The following ERC2 variants were observed in gnomAD, a reference collection of about 807,000 sequenced individuals.
ERC2 encodes ERC protein 2.
ERC2 carries 42 observed loss-of-function variants against 114.8 expected under a neutral mutation model. That is an observed-to-expected ratio of 0.37 (90% confidence interval 0.29 to 0.47). The LOEUF (loss-of-function observed/expected upper bound fraction) is 0.47. ERC2 is among the 20% of genes least tolerant of loss of function. The pLI, the probability that ERC2 is intolerant of heterozygous loss-of-function variation, is 0.99. For synonymous variants in ERC2, 454 were observed against 425.5 expected, an observed-to-expected ratio of 1.07 and a Z score of -0.82; for missense variants, 939 against 1,150.7, an observed-to-expected ratio of 0.82 and a Z score of 2.66.
chr3:55,679,024 C>T (rs1204976821), intron 17 of ERC2, among the ~76,000 whole-genome samples: 2 of 152,288 alleles, frequency 1.3e-5, no homozygotes, highest in African/African-American at 2.4e-5. Flanking sequence ...ACAATTCATC[C>T]TCTACACAGC....
chr3:56,219,674 GAAAAAAA>G (rs35098698), intron 3 of ERC2, among the ~76,000 whole-genome samples: 1 of 123,114 alleles, frequency 8.1e-6, no homozygotes, highest in African/African-American at 3.2e-5. Flanking sequence ...GCTCAAGTGC[GAAAAAAA>G]AAAAAAAAAA....
At chr3:55,631,325 C>G (rs1447623224) in intron 17 of ERC2, among the ~76,000 whole-genome samples, 1 of 152,166 alleles carries the variant, frequency 6.6e-6, no homozygotes, top group African/African-American at 2.4e-5. Context: ...TGAAAAAGAG[C>G]AAGGGTTAGT....
chr3:55,639,807 CAT>C (rs551322683), intron 17 of ERC2, among the ~76,000 whole-genome samples: 48 of 152,322 alleles, frequency 3.2e-4, no homozygotes, highest in Middle Eastern at 3.4e-3. Flanking sequence ...TGCATGCACA[CAT>C]GTTTAATTTT....
intron 17 of ERC2, among the ~76,000 whole-genome samples, chr3:55,648,865 C>G (rs2060497433): frequency 6.8e-6 from 1 of 146,374 alleles, no homozygotes. Flanking sequence ...CCTCAGAAGA[C>G]AGCTTTTTTG....
intron 4 of ERC2, among the ~76,000 whole-genome samples, chr3:56,168,627 T>A (rs547346017): frequency 1.3e-5 from 2 of 152,150 alleles, no homozygotes; most frequent in African/African-American, 2.4e-5. Context: ...TATATGAAAC[T>A]TGGTAAAGTT....
intron 5 of ERC2, among the ~76,000 whole-genome samples, chr3:56,146,758 C>T (rs537165542): frequency 9.6e-4 from 146 of 152,302 alleles, no homozygotes; most frequent in African/African-American, 3.2e-3. Context: ...ACTCCCTATA[C>T]AGCTGGCAAA....
chr3:56,456,871 G>T (rs1374507027), intron 1 of ERC2, among the ~76,000 whole-genome samples: 6 of 152,198 alleles, frequency 3.9e-5, no homozygotes, highest in African/African-American at 1.2e-4. Flanking sequence ...CAGAATGGTG[G>T]TTCATAAGCT....
At chr3:56,467,536 C>A (rs995887496) in intron 1 of ERC2, among the ~76,000 whole-genome samples, 1 of 152,156 alleles carries the variant, frequency 6.6e-6, no homozygotes, top group African/African-American at 2.4e-5. Context: ...CTAAGACGAT[C>A]TTTCAAAGGC....
At chr3:55,903,823 T>G (rs1035092810) in intron 13 of ERC2, among the ~76,000 whole-genome samples, 1 of 152,166 alleles carries the variant, frequency 6.6e-6, no homozygotes, top group South Asian at 2.1e-4. Flanking sequence ...ACTCCTCTGG[T>G]TAATGTCAGT....
chr3:56,020,487 C>T (rs145552084), intron 7 of ERC2, among the ~76,000 whole-genome samples: 244 of 152,258 alleles, frequency 1.6e-3, no homozygotes, highest in African/African-American at 5.2e-3. Context: ...ATTCAGAAGG[C>T]ATAATCATCT....
chr3:55,539,794 GC>G (rs1404630910), intron 17 of ERC2, among the ~76,000 whole-genome samples: 2 of 151,934 alleles, frequency 1.3e-5, no homozygotes, highest in African/African-American at 4.8e-5. Context: ...ATGTTGTTTA[GC>G]CCAGAATTGG....
At chr3:55,751,658 A>G (rs1275152727) in intron 14 of ERC2, among the ~76,000 whole-genome samples, 2 of 152,186 alleles carry the variant, frequency 1.3e-5, no homozygotes, top group Non-Finnish European at 2.9e-5. Context: ...CTAGGACTTA[A>G]GGATGAAAGT....
chr3:56,398,929 T>C (rs779800907), intron 2 of ERC2, among the ~76,000 whole-genome samples: 3 of 152,174 alleles, frequency 2.0e-5, no homozygotes, highest in Admixed American at 6.5e-5. Flanking sequence ...GCATCCTGTA[T>C]TTTTATTTGC....
chr3:55,529,887 G>A (rs2053564137), intron 17 of ERC2, among the ~76,000 whole-genome samples: 1 of 152,164 alleles, frequency 6.6e-6, no homozygotes, highest in Non-Finnish European at 1.5e-5. Context: ...CTGAGTTCTA[G>A]TCCCAATATT....
intron 2 of ERC2, among the ~76,000 whole-genome samples, chr3:56,300,225 C>T (rs755379939): frequency 6.6e-6 from 1 of 150,450 alleles, no homozygotes; most frequent in African/African-American, 2.4e-5. Flanking sequence ...GAAAATTGGT[C>T]CATTTATCCA....
intron 2 of ERC2, among the ~76,000 whole-genome samples, chr3:56,365,782 G>A (rs538531415): frequency 1.1e-4 from 16 of 152,134 alleles, no homozygotes; most frequent in Middle Eastern, 3.2e-3. Context: ...CATGCACTTG[G>A]GACAAAGCCT....
chr3:56,287,768 C>T (rs1259648057), intron 3 of ERC2, among the ~76,000 whole-genome samples: 1 of 152,178 alleles, frequency 6.6e-6, no homozygotes, highest in Non-Finnish European at 1.5e-5. Flanking sequence ...AATGCCAGAT[C>T]CATCCATCAC....
chr3:55,554,575 C>T (rs375042522), intron 17 of ERC2, among the ~76,000 whole-genome samples: 6 of 152,344 alleles, frequency 3.9e-5, no homozygotes, highest in African/African-American at 1.4e-4. Flanking sequence ...TGTGGATGGT[C>T]TCAGGCTGCT....
intron 3 of ERC2, among the ~76,000 whole-genome samples, chr3:56,223,745 T>C (rs559687516): frequency 6.6e-6 from 1 of 152,250 alleles, no homozygotes; most frequent in East Asian, 1.9e-4. Context: ...GGGCCAACAT[T>C]TTATCTTAGG....
Sources: allele counts gnomAD v4.1 joint callset (sites outside exome capture counted in the v4.1 genomes callset), GRCh38; gene constraint gnomAD v4.1.1; transcripts MANE v1.5; gene names NCBI Gene and HGNC (gene_info 2026-07-23, HGNC 2026-07-21).